KIF26B: variants seen among roughly 807,000 people sequenced by gnomAD.
KIF26B encodes the protein kinesin-like protein KIF26B.
KIF26B carries 63 observed loss-of-function variants against 151.2 expected under a neutral mutation model. The observed-to-expected ratio is 0.42, with a 90% confidence interval of 0.34 to 0.51. The LOEUF (loss-of-function observed/expected upper bound fraction) is 0.51, where lower values mean the gene tolerates loss of function less well. KIF26B is among the 20% of genes least tolerant of loss of function. The pLI, the probability that KIF26B is intolerant of heterozygous loss-of-function variation, is 0.07. For synonymous variants in KIF26B, 1,357 were observed against 1,262.1 expected (o/e 1.08, Z -1.59); for missense variants, 2,813 against 2,913.6 (o/e 0.97, Z 0.79).
intron 9 of KIF26B, among the ~76,000 whole-genome samples, chr1:245,641,656 C>A (rs991008893): frequency 2.0e-5 from 3 of 152,010 alleles, no homozygotes; most frequent in African/African-American, 7.2e-5. Flanking sequence ...GAATTTTTTA[C>A]CTCCAGGATT....
chr1:245,369,195 G>GAGAGAGACAGACAGAC (rs375330671), intron 3 of KIF26B, among the ~76,000 whole-genome samples: 1 of 129,506 alleles, frequency 7.7e-6, no homozygotes, highest in Non-Finnish European at 1.7e-5. Context: ...GAGAGAGAGA[G>GAGAGAGACAGACAGAC]AGACAGACAG....
Position 245,231,431 on chromosome 1 carries a change from G to A in KIF26B, c.465+74748G>A, listed in dbSNP as rs569801828. Among the ~76,000 whole-genome samples, 5 of 152,204 alleles carry A rather than the reference G, an allele frequency of 3.3e-5. No individual in the cohort carries two copies. In the South Asian group the frequency reaches 1.0e-3, roughly 32 times the overall value. The stretch of plus-strand genomic sequence containing the variant: ...CTTGGGAGGCTGAGGCAGGAGAATC[G>A]CTTGATCCCGGGAGGTGGAGGTTGC... On this transcript the variant is annotated intron_variant, in intron 2 of 14. Transcript: ENST00000407071.
intron 14 of KIF26B, among the ~76,000 whole-genome samples, chr1:245,699,333 C>G (rs1005252198): frequency 1.1e-4 from 16 of 152,124 alleles, no homozygotes; most frequent in African/African-American, 3.9e-4. Flanking sequence ...GAAGATCACC[C>G]AGACATGAAG....
rs1287097287 is a variant in KIF26B, at chr1:245,517,687, G to C, written c.1167-23080G>C. Among the ~76,000 whole-genome samples, 3 of 152,124 alleles carry C rather than the reference G, an allele frequency of 2.0e-5. No individual in the cohort carries two copies. The East Asian group carries it at 5.8e-4, about 29-fold the overall frequency. Reference sequence around the variant, plus strand: ...AATACCGGTGATAAGCCACAAGGTAGCTCTGCTAGCACGGAACATATGGAA... The same window carrying C: ...AATACCGGTGATAAGCCACAAGGTACCTCTGCTAGCACGGAACATATGGAA... On this transcript the variant is annotated intron_variant, in intron 4 of 14. Transcript: ENST00000407071.
intron 2 of KIF26B, among the ~76,000 whole-genome samples, chr1:245,335,394 T>C (rs1017089798): frequency 6.6e-6 from 1 of 152,178 alleles, no homozygotes; most frequent in Non-Finnish European, 1.5e-5. Flanking sequence ...ATACGCACTC[T>C]AGTGCCAAAC....
In KIF26B at chr1:245,557,807, A is replaced by G. The variant is rs75846164; in HGVS notation, c.1350+16857A>G. On this transcript the variant is annotated intron_variant, in intron 5 of 14. Transcript: ENST00000407071. ...TGGCTAAAGGTCCAAACTGAGGCCA[A>G]TCTCAGGGCATGTCCCTCTAACTAG... 1.0e-3 allele frequency among the ~76,000 whole-genome samples: 155 copies of G among 151,618 alleles called. 3 individuals carry two copies. In the East Asian group the frequency reaches 0.026, roughly 25 times the overall value.
chr1:245,647,161 C>G (rs551852817), intron 10 of KIF26B, among the ~76,000 whole-genome samples: 2 of 152,256 alleles, frequency 1.3e-5, no homozygotes, highest in Non-Finnish European at 2.9e-5. Flanking sequence ...TGCGGTGGCT[C>G]ATGCCTGTAA....
chr1:245,349,737 C>T (rs1448613956), intron 2 of KIF26B, among the ~76,000 whole-genome samples: 1 of 152,102 alleles, frequency 6.6e-6, no homozygotes, highest in Non-Finnish European at 1.5e-5. Flanking sequence ...GCAACTAAAA[C>T]TCTCCTTGTA....
At chr1:245,494,446 C>T (rs1373059861) in intron 4 of KIF26B, among the ~76,000 whole-genome samples, 5 of 152,150 alleles carry the variant, frequency 3.3e-5, no homozygotes, top group Admixed American at 6.5e-5. Flanking sequence ...GATACAAAAT[C>T]TCAGTGAGCT....
At chr1:245,695,432 G>T (rs1483336377) in intron 12 of KIF26B, among the ~76,000 whole-genome samples, 1 of 152,186 alleles carries the variant, frequency 6.6e-6, no homozygotes, top group South Asian at 2.1e-4. Flanking sequence ...CAGGCGCGGG[G>T]AGAGGGAGCC....
At chr1:245,690,827 C>A (rs1051974586) in intron 12 of KIF26B, among the ~76,000 whole-genome samples, 2 of 152,064 alleles carry the variant, frequency 1.3e-5, no homozygotes, top group East Asian at 3.9e-4. Flanking sequence ...TGGAGCAGAA[C>A]CCCATTTAAG....
intron 2 of KIF26B, among the ~76,000 whole-genome samples, chr1:245,315,349 T>C (rs2102984333): frequency 6.6e-6 from 1 of 151,908 alleles, no homozygotes; most frequent in East Asian, 1.9e-4. Context: ...GACCCACACT[T>C]CAAAATGGTT....
intron 2 of KIF26B, among the ~76,000 whole-genome samples, chr1:245,250,753 G>T (rs1482056122): frequency 6.6e-6 from 1 of 152,070 alleles, no homozygotes; most frequent in Non-Finnish European, 1.5e-5. Context: ...TTCTTTGCCC[G>T]TGTTTTTTCT....
At chr1:245,291,034 T>C (rs1404610050) in intron 2 of KIF26B, among the ~76,000 whole-genome samples, 10 of 152,328 alleles carry the variant, frequency 6.6e-5, no homozygotes, top group African/African-American at 2.4e-4. Context: ...CCCTGTGATC[T>C]TTTATCTTCC....
intron 5 of KIF26B, among the ~76,000 whole-genome samples, chr1:245,550,692 G>C (rs1290579414): frequency 6.6e-6 from 1 of 152,206 alleles, no homozygotes; most frequent in African/African-American, 2.4e-5. Flanking sequence ...GAAAAGTGGC[G>C]TGTTATGTCC....
chr1:245,313,547 A>T (rs2102983456), intron 2 of KIF26B, among the ~76,000 whole-genome samples: 1 of 152,192 alleles, frequency 6.6e-6, no homozygotes, highest in East Asian at 1.9e-4. Flanking sequence ...ACCCGGAAAT[A>T]CTGGTGACCA....
intron 4 of KIF26B, among the ~76,000 whole-genome samples, chr1:245,533,205 G>A (rs1236088114): frequency 6.6e-6 from 1 of 152,160 alleles, no homozygotes; most frequent in Non-Finnish European, 1.5e-5. Context: ...AGCCATGGCA[G>A]CCCACAGCAG....
At chr1:245,317,784 C>T (rs1215155935) in intron 2 of KIF26B, among the ~76,000 whole-genome samples, 1 of 152,212 alleles carries the variant, frequency 6.6e-6, no homozygotes, top group Non-Finnish European at 1.5e-5. Flanking sequence ...GAAAGTACGT[C>T]ATGGATGCCT....
chr1:245,334,924 A>C (rs1672191614), intron 2 of KIF26B, among the ~76,000 whole-genome samples: 1 of 152,184 alleles, frequency 6.6e-6, no homozygotes, highest in African/African-American at 2.4e-5. Context: ...CACATGTATT[A>C]GGTGTCGGAG....
Sources: allele counts gnomAD v4.1 joint callset (sites outside exome capture counted in the v4.1 genomes callset), GRCh38; gene constraint gnomAD v4.1.1; transcripts MANE v1.5; gene names NCBI Gene and HGNC (gene_info 2026-07-23, HGNC 2026-07-21).